KIF1C: variants seen among roughly 807,000 people sequenced by gnomAD.
The protein encoded by KIF1C is kinesin family member 1C.
KIF1C carries 61 observed loss-of-function variants against 126.5 expected under a neutral mutation model. The observed-to-expected ratio is 0.48, with a 90% CI of 0.39 to 0.60. KIF1C has a LOEUF of 0.60. KIF1C is among the 20% of genes least tolerant of loss of function. The probability of loss-of-function intolerance (pLI) is 0.00; values close to 1 mark genes in which losing one functional copy is unlikely to be tolerated. For missense variants in KIF1C, 1,315 were observed against 1,489.2 expected, an observed-to-expected ratio of 0.88 and a Z score of 1.93; for synonymous variants, 640 against 580.6, an observed-to-expected ratio of 1.10 and a Z score of -1.47.
chr17:5,015,322 C>T (rs528449235), intron 18 of KIF1C, among the ~76,000 whole-genome samples: 36 of 151,602 alleles, frequency 2.4e-4, no homozygotes, highest in Non-Finnish European at 4.6e-4. Flanking sequence ...TCGCTCTTGT[C>T]GCCCAGGCTG....
chr17:5,013,526 C>T (rs1974909954), intron 16 of KIF1C, 127 bp from the exon 17 acceptor site: 2 of 686,928 alleles, frequency 2.9e-6, no homozygotes, highest in Admixed American at 2.5e-5. Context: ...CAGGAGAGCT[C>T]TCCAGAGTGA....
In KIF1C at chr17:5,007,102, G is replaced by A. The variant is rs376651662; in HGVS notation, c.1335+18G>A. ...GGCTGCAGGTGGGAAGCTGGAGCTG[G>A]CAAGGGCTGGGGGTCTGGGCATTCC... On this transcript the variant is annotated intron_variant, in intron 14 of 22. Transcript: ENST00000320785. 4 of 1,581,972 alleles carry A rather than the reference G, an allele frequency of 2.5e-6. No individual in the cohort carries two copies. Among genetic ancestry groups the A allele is most frequent in the African/African-American group, 1.4e-5 (1 of 73,130 alleles).
intron 16 of KIF1C, chr17:5,012,060 T>C (rs933938319): frequency 2.0e-5 from 3 of 152,200 alleles, no homozygotes; most frequent in African/African-American, 7.2e-5. Flanking sequence ...AACAAGGGCA[T>C]GAGACAATCA....
rs545172757 is a variant in KIF1C at position 5,020,735 on chromosome 17, C to G, written c.1937+57C>G. On this transcript the variant is annotated intron_variant, in intron 20 of 22. Coordinates refer to ENST00000320785, the MANE Select transcript of KIF1C (RefSeq NM_006612.6). This position sits in a 1 kb window ranked among gnomAD's most constrained non-coding sequence, Gnocchi z 5.8. ...CGTCTAGGCCGTCCCTCCCGGGCCT[C>G]TGGGCCCGTGTCCTCCTCTTGTCAG... 642 of 1,606,568 alleles carry G rather than the reference C, an allele frequency of 4.0e-4. No homozygotes were observed. Among genetic ancestry groups the G allele is most frequent in the Non-Finnish European group, 4.6e-4 (546 of 1,175,184 alleles).
At position 5,002,051 on chromosome 17, in the gene KIF1C, C is replaced by G. The variant is rs766900182; in HGVS notation, c.364-8C>G. ...AGCTTCTCTGTATTTCCCTGTGTCC[C>G]CCTCCAGCTCTGTGAGGACCTCTTC... On this transcript the variant is annotated splice_region_variant and splice_polypyrimidine_tract_variant and intron_variant, in intron 5 of 22. Transcript: ENST00000320785. 6.2e-7 allele frequency: 1 copy of G among 1,613,722 alleles called. No homozygotes were observed. Among genetic ancestry groups the G allele is most frequent in the Non-Finnish European group, 8.5e-7 (1 of 1,179,634 alleles).
In KIF1C at chr17:5,020,473, TC is replaced by T. The variant is rs1269217580; in HGVS notation, c.1751-16del. The T allele has an allele frequency of 1.3e-6, 2 of 1,593,000 alleles. No individual in the cohort carries two copies. Among genetic ancestry groups the T allele is most frequent in the Non-Finnish European group, 1.7e-6 (2 of 1,166,990 alleles). On this transcript the variant is annotated intron_variant, in intron 19 of 22. Transcript: ENST00000320785. This position sits in a 1 kb window ranked among gnomAD's most constrained non-coding sequence, Gnocchi z 5.8. The stretch of plus-strand genomic sequence containing the variant: ...TGCTGATGGGAAGCGAGTTTACTTT[TC>T]CCTCCTCCCATCTCTAGGGAATAGG...
chr17:5,012,983 G>A (rs555539001), intron 16 of KIF1C, among the ~76,000 whole-genome samples: 3 of 152,162 alleles, frequency 2.0e-5, no homozygotes, highest in Non-Finnish European at 2.9e-5. Context: ...AGCCCCAGGC[G>A]GGTGCTGCAG....
At position 5,023,928 on chromosome 17, in the gene KIF1C, G is replaced by C; in HGVS notation, c.3089G>C (p.Arg1030Pro). The C allele has an allele frequency of 1.3e-6, 2 of 1,569,860 alleles. No homozygotes were observed. Among genetic ancestry groups the C allele is most frequent in the South Asian group, 2.4e-5 (2 of 84,904 alleles). ...AGTCCCCGAAGGTCCCACCATCCCC[G>C]CAGGAACTCCCTGGATGGAGGGGGC... Reference protein sequence around the residue: ...PPSPRRSHHPRRNSLDGGGRS... With the variant: ...PPSPRRSHHPPRNSLDGGGRS... Residue 1030 changes from arginine (R) to proline (P), a missense_variant, in exon 23 of 23, where the codon CGC becomes CCC. Physicochemically the swap from Arg to Pro is moderately radical, Grantham distance 103 (BLOSUM62 -2). Coordinates refer to ENST00000320785, the MANE Select transcript of KIF1C (RefSeq NM_006612.6). This position sits in a 1 kb window ranked among gnomAD's most constrained non-coding sequence, Gnocchi z 4.2.
At chr17:5,005,592 G>A (rs1567721972) in intron 13 of KIF1C, among the ~76,000 whole-genome samples, 1 of 152,208 alleles carries the variant, frequency 6.6e-6, no homozygotes, top group Non-Finnish European at 1.5e-5. Context: ...AAGGTAGCTA[G>A]TGATGTTTGC....
intron 1 of KIF1C, among the ~76,000 whole-genome samples, chr17:4,998,424 C>G (rs1385403379): frequency 3.3e-5 from 5 of 152,290 alleles, no homozygotes; most frequent in Admixed American, 2.6e-4. Context: ...CCCAAGACCC[C>G]CTTTCGGGCC....
At chr17:5,007,112 GGGGTCT>G (rs1246962809) in intron 14 of KIF1C, 28 bp downstream of exon 14, 2 of 1,582,312 alleles carry the variant, frequency 1.3e-6, no homozygotes, top group Non-Finnish European at 1.7e-6. Flanking sequence ...GCAAGGGCTG[GGGGTCT>G]GGGCATTCCT....
Position 5,022,683 on chromosome 17 carries a change from A to C in KIF1C, c.2602A>C (p.Met868Leu). 6.4e-7 allele frequency: 1 copy of C among 1,566,988 alleles called. No homozygotes were observed. The highest frequency in any genetic ancestry group is 8.6e-7 in the Non-Finnish European group (1 of 1,156,764). ...LQALRDRMLR[M>L]ERVIPLAQDH... is the part of the protein sequence containing the mutation. The stretch of plus-strand genomic sequence containing the variant: ...GGCCCTGCGGGACCGCATGCTCCGC[A>C]TGGAGAGGGTCATCCCCCTGGCCCA... Residue 868 changes from methionine (M) to leucine (L), a missense_variant, in exon 22 of 23, where the codon ATG becomes CTG. Physicochemically the swap from Met to Leu is conservative, Grantham distance 15. This residue lies in a region of KIF1C where 441 missense variants were observed against 436.1 expected (regional missense o/e 1.01). Transcript: ENST00000320785. The surrounding 1 kb of genome is among the most constrained non-coding windows in gnomAD (Gnocchi z 4.9).
intron 16 of KIF1C, 93 bp downstream of exon 16, chr17:5,007,635 C>A: frequency 3.8e-6 from 4 of 1,055,294 alleles, no homozygotes; most frequent in East Asian, 5.1e-5. Flanking sequence ...TGTCCCTGAT[C>A]GCTCCCTTTG....
At position 5,004,870 on chromosome 17, in the gene KIF1C, C is replaced by G; in HGVS notation, c.1035C>G (p.Thr345=). Residue 345 remains threonine, a synonymous_variant, in exon 13 of 23, where the codon ACC becomes ACG. Coordinates refer to ENST00000320785, the MANE Select transcript of KIF1C (RefSeq NM_006612.6). ...TLSTLRYADR[T]KQIRCNAIIN... Reference sequence around the variant, plus strand: ...TGTCACCCAGGTATGCTGACCGCACCAAGCAAATCCGCTGCAATGCCATCA... The same window carrying G: ...TGTCACCCAGGTATGCTGACCGCACGAAGCAAATCCGCTGCAATGCCATCA... The G allele has an allele frequency of 6.2e-7, 1 of 1,614,252 alleles. No individual in the cohort carries two copies.
chr17:5,019,682 C>T (rs1055729780), intron 18 of KIF1C: 7 of 355,650 alleles, frequency 2.0e-5, no homozygotes, highest in African/African-American at 1.5e-4. Flanking sequence ...GGCCTCTGAG[C>T]AGTTAAACAT....
Position 5,013,646 on chromosome 17 carries a change from C to T in KIF1C, c.1492-7C>T, listed in dbSNP as rs772002460. 3.8e-5 allele frequency: 62 copies of T among 1,612,140 alleles called. No individual in the cohort carries two copies. The highest frequency in any genetic ancestry group is 3.3e-4 in the South Asian group (30 of 90,992). On this transcript the variant is annotated splice_region_variant and splice_polypyrimidine_tract_variant and intron_variant, in intron 16 of 22. Transcript: ENST00000320785. ...CTCCCCCTGACCACCTTTCTCTCCCCGCTTAGACTCCCCACCTGGTGAACC... is the reference window on the plus strand; with the variant it reads ...CTCCCCCTGACCACCTTTCTCTCCCTGCTTAGACTCCCCACCTGGTGAACC...
At chr17:5,019,905 T>C in intron 18 of KIF1C, 91 bp from the exon 19 acceptor site, 7 of 1,005,304 alleles carry the variant, frequency 7.0e-6, no homozygotes, top group Non-Finnish European at 9.2e-6. Flanking sequence ...GCATGTGTGG[T>C]TTTTTGGGGT....
At chr17:5,016,842 G>C (rs1168049746) in intron 18 of KIF1C, among the ~76,000 whole-genome samples, 1 of 150,054 alleles carries the variant, frequency 6.7e-6, no homozygotes, top group Non-Finnish European at 1.5e-5. Context: ...GGAAGTGGAG[G>C]TTTCAGTGAG....
chr17:5,004,690 T>G (rs1447117977), intron 12 of KIF1C, 45 bp downstream of exon 12: 1 of 1,601,796 alleles, frequency 6.2e-7, no homozygotes, highest in Non-Finnish European at 8.5e-7. Context: ...ATAGGAAGAG[T>G]GCCAGGAGTT....
Sources: allele counts gnomAD v4.1 joint callset (sites outside exome capture counted in the v4.1 genomes callset), GRCh38; gene constraint gnomAD v4.1.1; regional missense constraint gnomAD v4.1.1; non-coding constraint Gnocchi (gnomAD v3.1); transcripts MANE v1.5; gene names NCBI Gene and HGNC (gene_info 2026-07-23, HGNC 2026-07-21).